Variants in CADM2 observed in about 807,000 individuals in gnomAD.
CADM2 encodes immunoglobulin superfamily member 4D.
In CADM2, 12 loss-of-function variants were observed where a neutral mutation model predicts 49.8. The ratio of observed to expected loss-of-function variants is 0.24; its 90% CI spans 0.15 to 0.39. The LOEUF is 0.39. Among genes scored for constraint, CADM2 ranks in the 10% least tolerant of loss-of-function variants. The pLI, the probability that CADM2 is intolerant of heterozygous loss-of-function variation, is 1.00. For synonymous variants in CADM2, 214 were observed against 175.4 expected (o/e 1.22, Z -1.74); for missense variants, 378 against 492.3 (o/e 0.77, Z 2.20).
intron 8 of CADM2, among the ~76,000 whole-genome samples, chr3:85,998,590 T>G (rs1729727522): frequency 6.6e-6 from 1 of 152,132 alleles, no homozygotes; most frequent in South Asian, 2.1e-4. Flanking sequence ...TCAGTATTAT[T>G]CTATAGATAG....
At chr3:85,152,963 CAA>C (rs61549751) in intron 1 of CADM2, among the ~76,000 whole-genome samples, 7 of 80,508 alleles carry the variant, frequency 8.7e-5, no homozygotes, top group Admixed American at 1.4e-4. Flanking sequence ...GACTCCATCT[CAA>C]AAAAAAAAAA....
At chr3:85,040,521 T>TG (rs1345336335) in intron 1 of CADM2, among the ~76,000 whole-genome samples, 1 of 147,744 alleles carries the variant, frequency 6.8e-6, no homozygotes, top group Non-Finnish European at 1.5e-5. Context: ...TTCTCTTGGG[T>TG]GAAAAAAAAA....
intron 8 of CADM2, among the ~76,000 whole-genome samples, chr3:86,045,038 A>C (rs1195899964): frequency 2.1e-5 from 3 of 144,116 alleles, no homozygotes; most frequent in Non-Finnish European, 4.6e-5. Context: ...GAAGGGGAAC[A>C]TAACACACGG....
At chr3:85,809,281 C>A (rs138188830) in intron 3 of CADM2, among the ~76,000 whole-genome samples, 141 of 152,146 alleles carry the variant, frequency 9.3e-4, no homozygotes, top group Non-Finnish European at 1.6e-3. Flanking sequence ...TAGTAAATGA[C>A]AAAGCAATGA....
intron 1 of CADM2, among the ~76,000 whole-genome samples, chr3:85,414,545 AT>A (rs906548712): frequency 3.3e-5 from 5 of 151,810 alleles, no homozygotes; most frequent in African/African-American, 1.2e-4. Context: ...ATACAAGTTG[AT>A]TTTTTTTAAA....
intron 1 of CADM2, among the ~76,000 whole-genome samples, chr3:85,480,205 C>G (rs776714533): frequency 1.5e-4 from 22 of 151,680 alleles, no homozygotes; most frequent in Non-Finnish European, 2.8e-4. Flanking sequence ...ACATTTTTCA[C>G]AAAATAGGTT....
chr3:85,073,363 T>C (rs2036827149), intron 1 of CADM2, among the ~76,000 whole-genome samples: 1 of 152,286 alleles, frequency 6.6e-6, no homozygotes, highest in Non-Finnish European at 1.5e-5. Flanking sequence ...AGTACACTTC[T>C]CTAAGTAACC....
At chr3:85,846,133 A>G (rs2054744223) in intron 3 of CADM2, among the ~76,000 whole-genome samples, 1 of 152,236 alleles carries the variant, frequency 6.6e-6, no homozygotes, top group Non-Finnish European at 1.5e-5. Flanking sequence ...TGTATTTTAG[A>G]TAAAGTATCA....
chr3:85,588,986 A>C (rs989688440), intron 1 of CADM2, among the ~76,000 whole-genome samples: 1 of 152,042 alleles, frequency 6.6e-6, no homozygotes. Context: ...CCAAATGGCT[A>C]TTCTTATTAA....
At chr3:85,445,126 G>T (rs971677084) in intron 1 of CADM2, among the ~76,000 whole-genome samples, 1 of 152,050 alleles carries the variant, frequency 6.6e-6, no homozygotes, top group Admixed American at 6.6e-5. Context: ...TCTTCGTTTT[G>T]TTGACGAGTA....
intron 1 of CADM2, among the ~76,000 whole-genome samples, chr3:85,166,197 A>T (rs2040466427): frequency 6.6e-6 from 1 of 151,856 alleles, no homozygotes; most frequent in African/African-American, 2.4e-5. Flanking sequence ...AGCAATATAT[A>T]TGGAATGTGC....
intron 1 of CADM2, among the ~76,000 whole-genome samples, chr3:85,080,034 G>GA (rs959403590): frequency 4.6e-5 from 7 of 151,744 alleles, no homozygotes; most frequent in Middle Eastern, 3.4e-3. Flanking sequence ...GAAGTGTCAA[G>GA]AAAAAAAACT....
At chr3:85,156,588 C>A (rs1440866796) in intron 1 of CADM2, among the ~76,000 whole-genome samples, 1 of 152,228 alleles carries the variant, frequency 6.6e-6, no homozygotes, top group East Asian at 1.9e-4. Context: ...CTATTCGAAT[C>A]AATAGAAAAA....
intron 1 of CADM2, among the ~76,000 whole-genome samples, chr3:85,355,490 T>C (rs1443915315): frequency 6.6e-6 from 1 of 152,104 alleles, no homozygotes; most frequent in Non-Finnish European, 1.5e-5. Flanking sequence ...GGACTAGATA[T>C]TTTTTAATAG....
At chr3:85,290,299 A>G (rs4422326) in intron 1 of CADM2, among the ~76,000 whole-genome samples, 102,771 of 151,974 alleles carry the variant, frequency 0.68, 35,610 homozygotes, top group African/African-American at 0.82. Context: ...CGCCCACGGA[A>G]TCTTGCTGAT....
chr3:84,965,358 G>A (rs1371885992), intron 1 of CADM2, among the ~76,000 whole-genome samples: 1 of 152,182 alleles, frequency 6.6e-6, no homozygotes, highest in Non-Finnish European at 1.5e-5. Context: ...CAAACTCACA[G>A]GAAAGCAGTC....
At chr3:85,850,370 G>C (rs2075055729) in intron 3 of CADM2, among the ~76,000 whole-genome samples, 1 of 136,518 alleles carries the variant, frequency 7.3e-6, no homozygotes, top group Non-Finnish European at 1.5e-5. Context: ...CGTCGCCCAG[G>C]CTGGAGAGCA....
In CADM2 at chr3:85,611,596, A is replaced by T. The variant is rs539201072; in HGVS notation, c.62-114926A>T. On this transcript the variant is annotated intron_variant, in intron 1 of 9. Transcript: ENST00000383699. ...AATTTAAAAGTGTTACTGAACAAAC[A>T]AGTTGGGATCAATTAATTCTGTCTG... Among the ~76,000 whole-genome samples, 7 of 152,048 alleles carry T rather than the reference A, an allele frequency of 4.6e-5. No individual in the cohort carries two copies. In the East Asian group the frequency reaches 1.4e-3, roughly 29 times the overall value.
chr3:85,636,847 T>C (rs1168249383), intron 1 of CADM2, among the ~76,000 whole-genome samples: 2 of 152,204 alleles, frequency 1.3e-5, no homozygotes, highest in Non-Finnish European at 2.9e-5. Flanking sequence ...AGCAATAGAC[T>C]TAAAACCTAG....
Sources: gnomAD v4.1 joint callset for allele counts (sites outside exome capture counted in the v4.1 genomes callset) on GRCh38, gnomAD v4.1.1 for gene constraint, MANE v1.5 for transcripts, NCBI Gene and HGNC (gene_info 2026-07-23, HGNC 2026-07-21) for gene names.